ELMOD1: variants seen among roughly 807,000 people sequenced by gnomAD.
ELMOD1 encodes ELMO domain containing 1, also known as ELMO domain-containing protein 1.
In ELMOD1, 21 loss-of-function variants were observed where a neutral mutation model predicts 46.7. The ratio of observed to expected loss-of-function variants is 0.45; its 90% CI spans 0.32 to 0.65. The LOEUF is 0.65. Among genes scored for constraint, ELMOD1 ranks in the 30% least tolerant of loss-of-function variants. The pLI is 0.04. For missense variants in ELMOD1, 348 were observed against 407.8 expected, an observed-to-expected ratio of 0.85 and a Z score of 1.26; for synonymous variants, 122 against 138.2, an observed-to-expected ratio of 0.88 and a Z score of 0.82.
rs1197089332 is a variant in ELMOD1, at chr11:107,644,458, G to GAT, written c.421-2996_421-2995dup. Among the ~76,000 whole-genome samples, 1,070 of 150,912 alleles carry GAT rather than the reference G, an allele frequency of 7.1e-3. 11 individuals are homozygous for GAT. The highest frequency in any genetic ancestry group is 0.012 in the African/African-American group (492 of 41,238). ...TTGCTGCACTCACTCGATGAAACAA[G>GAT]ATATATATATATATACTTTTTTTTC... On this transcript the variant is annotated intron_variant, in intron 6 of 11. Coordinates refer to ENST00000265840, the MANE Select transcript of ELMOD1 (RefSeq NM_018712.4).
intron 7 of ELMOD1, 139 bp from the exon 8 acceptor site, chr11:107,650,196 C>T: frequency 1.8e-6 from 1 of 564,420 alleles, no homozygotes; most frequent in Non-Finnish European, 3.2e-6. Flanking sequence ...CTGTTTGTTC[C>T]CTGGAGGAGC....
intron 9 of ELMOD1, among the ~76,000 whole-genome samples, chr11:107,652,407 G>A (rs1280022101): frequency 1.3e-5 from 2 of 151,914 alleles, no homozygotes; most frequent in Non-Finnish European, 2.9e-5. Flanking sequence ...CTATTAGTTT[G>A]TGTGTGTGTT....
At chr11:107,628,271 A>G (rs1465560635) in intron 2 of ELMOD1, among the ~76,000 whole-genome samples, 1 of 151,946 alleles carries the variant, frequency 6.6e-6, no homozygotes, top group African/African-American at 2.4e-5. Flanking sequence ...GGTTCAAGCA[A>G]TTCTCCTGCC....
chr11:107,618,436 G>A (rs1390258791), intron 2 of ELMOD1, among the ~76,000 whole-genome samples: 1 of 152,170 alleles, frequency 6.6e-6, no homozygotes, highest in Non-Finnish European at 1.5e-5. Context: ...GAGAGTGTGG[G>A]CACAAAAGCA....
intron 2 of ELMOD1, chr11:107,623,257 G>GTTA (rs1285545538): frequency 1.3e-5 from 2 of 152,098 alleles, no homozygotes; most frequent in African/African-American, 4.8e-5. Context: ...ATTGAAATAT[G>GTTA]TTAACCTGCA....
intron 2 of ELMOD1, among the ~76,000 whole-genome samples, chr11:107,621,822 T>G (rs1193833336): frequency 7.1e-6 from 1 of 139,932 alleles, no homozygotes; most frequent in African/African-American, 2.5e-5. Flanking sequence ...AGGTCAGGAG[T>G]TCAAGACCAG....
At chr11:107,595,298 A>C (rs191317889) in intron 1 of ELMOD1, among the ~76,000 whole-genome samples, 1 of 152,286 alleles carries the variant, frequency 6.6e-6, no homozygotes, top group Non-Finnish European at 1.5e-5. Flanking sequence ...TAAGTAGCTC[A>C]TTAGGGTCTT....
intron 2 of ELMOD1, among the ~76,000 whole-genome samples, chr11:107,622,205 G>A (rs1406901512): frequency 6.6e-6 from 1 of 152,162 alleles, no homozygotes; most frequent in Admixed American, 6.5e-5. Flanking sequence ...GAGAAAGGAA[G>A]GACTAGGATT....
At chr11:107,652,978 A>G (rs982437469) in intron 9 of ELMOD1, among the ~76,000 whole-genome samples, 3 of 152,324 alleles carry the variant, frequency 2.0e-5, no homozygotes, top group Admixed American at 1.3e-4. Context: ...CATTGTATTG[A>G]GTTCAAATGC....
chr11:107,645,355 G>T (rs1049810946), intron 6 of ELMOD1, among the ~76,000 whole-genome samples: 16 of 151,274 alleles, frequency 1.1e-4, no homozygotes, highest in African/African-American at 3.9e-4. Flanking sequence ...ACGGAGTTTT[G>T]CTCTTGTGCC....
At chr11:107,599,765 G>GA (rs67957721) in intron 1 of ELMOD1, among the ~76,000 whole-genome samples, 292 of 78,870 alleles carry the variant, frequency 3.7e-3, no homozygotes, top group Non-Finnish European at 4.1e-3. Flanking sequence ...AAAAAGAAAA[G>GA]AAAAAAAAAA....
chr11:107,656,334 G>A (rs1866630601), intron 11 of ELMOD1, among the ~76,000 whole-genome samples: 1 of 151,204 alleles, frequency 6.6e-6, no homozygotes, highest in Admixed American at 6.6e-5. Context: ...GTTGCAGTGA[G>A]CCGAGATCAT....
intron 2 of ELMOD1, among the ~76,000 whole-genome samples, chr11:107,619,846 T>C (rs1215144249): frequency 6.6e-6 from 1 of 152,166 alleles, no homozygotes; most frequent in Non-Finnish European, 1.5e-5. Flanking sequence ...CTGATAAACA[T>C]TTTTTTCATG....
intron 1 of ELMOD1, among the ~76,000 whole-genome samples, chr11:107,598,998 G>A (rs918147674): frequency 6.6e-6 from 1 of 152,176 alleles, no homozygotes; most frequent in African/African-American, 2.4e-5. Context: ...AAAAGGAAAT[G>A]CTTTTTCATT....
intron 1 of ELMOD1, among the ~76,000 whole-genome samples, chr11:107,609,470 A>C (rs1865740598): frequency 6.6e-6 from 1 of 152,194 alleles, no homozygotes. Flanking sequence ...AGGGATTTCA[A>C]GATTTTAAAG....
intron 2 of ELMOD1, among the ~76,000 whole-genome samples, chr11:107,626,951 T>C (rs1866054370): frequency 6.6e-6 from 1 of 152,116 alleles, no homozygotes; most frequent in Admixed American, 6.6e-5. Context: ...GTTGGTCCTT[T>C]TATAAGGAAG....
At chr11:107,646,490 T>C (rs1167197323) in intron 6 of ELMOD1, among the ~76,000 whole-genome samples, 1 of 152,108 alleles carries the variant, frequency 6.6e-6, no homozygotes, top group African/African-American at 2.4e-5. Context: ...ATCCCAGCAC[T>C]TTGGGAGGCC....
At position 107,666,043 on chromosome 11, in the gene ELMOD1, C is replaced by A. The variant is rs2135724031; in HGVS notation, c.*846C>A. On this transcript the variant is annotated 3_prime_UTR_variant, in exon 12 of 12. Transcript: ENST00000265840. ...ATAGTACAGACAGACACATGATAAG[C>A]CAAACTGTTCCTGCAAACATAGCTA... The A allele has an allele frequency of 6.6e-6, 1 of 151,194 alleles. No individual in the cohort carries two copies. The allele number at this position is 151,194 out of a possible 1,614,324, so 9.4% of individuals were successfully genotyped here.
intron 11 of ELMOD1, among the ~76,000 whole-genome samples, chr11:107,657,449 C>A (rs1425707406): frequency 1.3e-5 from 2 of 152,116 alleles, no homozygotes. Flanking sequence ...ATCGCTTGAG[C>A]CCAAGGAGGC....
Sources: gnomAD v4.1 joint callset for allele counts (sites outside exome capture counted in the v4.1 genomes callset) on GRCh38, gnomAD v4.1.1 for gene constraint, MANE v1.5 for transcripts, NCBI Gene and HGNC (gene_info 2026-07-23, HGNC 2026-07-21) for gene names.